The following RALY variants were observed in gnomAD, a reference collection of about 807,000 sequenced individuals.
RALY encodes RALY heterogeneous nuclear ribonucleoprotein, also known as RNA-binding protein Raly.
Under a neutral mutation model 30.7 loss-of-function variants are expected in RALY, and 15 were observed. That is an observed-to-expected ratio of 0.49 (90% CI 0.33 to 0.75). The LOEUF (loss-of-function observed/expected upper bound fraction) is 0.75. Ranked by LOEUF, RALY falls within the 30% of genes least tolerant of loss-of-function variation. The pLI is 0.02. For synonymous variants in RALY, 177 were observed against 170.8 expected (o/e 1.04, Z -0.28); for missense variants, 339 against 414.3 (o/e 0.82, Z 1.58).
chr20:34,045,761 C>T (rs978447925), intron 2 of RALY, among the ~76,000 whole-genome samples: 1 of 152,220 alleles, frequency 6.6e-6, no homozygotes, highest in African/African-American at 2.4e-5. Context: ...AGAGTGATTT[C>T]TGGAAGGTCA....
At chr20:34,054,925 C>T (rs1360760233) in intron 2 of RALY, among the ~76,000 whole-genome samples, 1 of 152,118 alleles carries the variant, frequency 6.6e-6, no homozygotes, top group East Asian at 1.9e-4. Context: ...TTTGAGCTAT[C>T]TGTTAAATGG....
At chr20:34,061,428 G>A (rs1194263581) in intron 2 of RALY, among the ~76,000 whole-genome samples, 1 of 152,192 alleles carries the variant, frequency 6.6e-6, no homozygotes, top group African/African-American at 2.4e-5. Flanking sequence ...TAAACTTCAT[G>A]TTTTCTTTGC....
rs1049988262 is a variant in RALY, at chr20:34,084,750, T to G, written c.*4845T>G. The stretch of plus-strand genomic sequence containing the variant: ...GTTCAGCTGACAGCAGTATCAAATG[T>G]CAGACATGAGAGAGGAAGGCTTCAA... On this transcript the variant is annotated 3_prime_UTR_variant, in exon 10 of 10. Coordinates refer to ENST00000246194, the MANE Select transcript of RALY (RefSeq NM_016732.3). 6.6e-6 allele frequency: 1 copy of G among 152,236 alleles called. No homozygotes were observed. The highest frequency in any genetic ancestry group is 6.5e-5 in the Admixed American group (1 of 15,270). 9.4% of individuals were successfully genotyped at this position (152,236 alleles called of 1,614,324 possible).
At chr20:34,078,660 G>T in intron 9 of RALY, 107 bp downstream of exon 9, 1 of 1,089,656 alleles carries the variant, frequency 9.2e-7, no homozygotes, top group Non-Finnish European at 1.3e-6. Flanking sequence ...ACCTGGCCAA[G>T]TAGCACTGAC....
chr20:34,013,270 G>A (rs1037241205), intron 1 of RALY, among the ~76,000 whole-genome samples: 2 of 151,780 alleles, frequency 1.3e-5, no homozygotes, highest in African/African-American at 2.4e-5. Flanking sequence ...AAACTAGCTC[G>A]CATAATGGGG....
At chr20:34,016,004 C>G (rs1021973800) in intron 1 of RALY, among the ~76,000 whole-genome samples, 4 of 152,138 alleles carry the variant, frequency 2.6e-5, no homozygotes, top group African/African-American at 9.7e-5. Flanking sequence ...CCCAGATACC[C>G]AGAATTGTGT....
intron 2 of RALY, among the ~76,000 whole-genome samples, chr20:34,034,339 C>CAGAG (rs1235710476): frequency 6.6e-6 from 1 of 152,196 alleles, no homozygotes; most frequent in Non-Finnish European, 1.5e-5. Context: ...TGAGAGTGCA[C>CAGAG]AGAGGGTTTT....
intron 1 of RALY, among the ~76,000 whole-genome samples, chr20:34,012,544 T>C (rs528714816): frequency 3.9e-5 from 6 of 152,182 alleles, no homozygotes; most frequent in Non-Finnish European, 8.8e-5. Context: ...CCTTTGTTTT[T>C]TTCCTCACTG....
At chr20:34,055,313 A>G (rs1218231387) in intron 2 of RALY, among the ~76,000 whole-genome samples, 2 of 152,232 alleles carry the variant, frequency 1.3e-5, no homozygotes, top group Admixed American at 6.5e-5. Flanking sequence ...TTTATATTAC[A>G]TTCTTTCCTA....
chr20:34,019,843 C>T (rs546913686), intron 1 of RALY, among the ~76,000 whole-genome samples: 2 of 152,196 alleles, frequency 1.3e-5, no homozygotes, highest in South Asian at 4.1e-4. Flanking sequence ...GGGCGGATCA[C>T]GAGGTCAGGA....
Position 34,077,235 on chromosome 20 carries a change from A to G in RALY, c.866A>G (p.Glu289Gly). Residue 289 changes from glutamate to glycine, a missense_variant, in exon 8 of 10, where the codon GAG becomes GGG. Glu to Gly is a moderately conservative substitution (Grantham distance 98, BLOSUM62 -2). This residue lies in a region of RALY where 268 missense variants were observed against 280.6 expected (regional missense o/e 0.95). Transcript: ENST00000246194. ...GDEEGLLTHS[E>G]EELEHSQDTD... ...GAGGAAGGGCTCCTGACACACAGCG[A>G]GGAAGAGCTGGTGAGGGCCTGGCCA... The G allele has an allele frequency of 6.2e-7, 1 of 1,613,684 alleles. No homozygotes were observed. The highest frequency in any genetic ancestry group is 8.5e-7 in the Non-Finnish European group (1 of 1,179,806).
intron 2 of RALY, among the ~76,000 whole-genome samples, chr20:34,035,067 G>T (rs943508036): frequency 6.9e-6 from 1 of 144,596 alleles, no homozygotes; most frequent in African/African-American, 2.5e-5. Context: ...GCAGAAGAAT[G>T]GTGTGAACCC....
intron 8 of RALY, 33 bp downstream of exon 8, chr20:34,077,278 C>T (rs74408725): frequency 0.054 from 86,956 of 1,611,086 alleles, 2,856 homozygotes; most frequent in Non-Finnish European, 0.067. Flanking sequence ...GACTGGGACT[C>T]GACTGTGCTC....
chr20:34,006,252 C>T (rs1017692736), intron 1 of RALY, among the ~76,000 whole-genome samples: 1 of 152,196 alleles, frequency 6.6e-6, no homozygotes, highest in African/African-American at 2.4e-5. Context: ...TTCATTTATA[C>T]CCCTACCTAC....
chr20:34,065,747 C>T (rs965717259), intron 2 of RALY, among the ~76,000 whole-genome samples: 6 of 152,174 alleles, frequency 3.9e-5, no homozygotes, highest in Non-Finnish European at 7.3e-5. Flanking sequence ...CTGAACCACC[C>T]GGATGTCCCC....
chr20:34,026,522 C>T (rs1445938976), intron 1 of RALY, among the ~76,000 whole-genome samples: 1 of 151,714 alleles, frequency 6.6e-6, no homozygotes, highest in African/African-American at 2.4e-5. Context: ...CCTGCCTCAG[C>T]CTCCTGAGTA....
chr20:34,007,775 G>A (rs7272696), intron 1 of RALY, among the ~76,000 whole-genome samples: 13,200 of 135,542 alleles, frequency 0.097, 1,998 homozygotes, highest in African/African-American at 0.34. Flanking sequence ...AGCCAAGATC[G>A]CACCATTGCA....
intron 1 of RALY, among the ~76,000 whole-genome samples, chr20:34,017,042 G>A (rs2031633652): frequency 6.6e-6 from 1 of 152,282 alleles, no homozygotes; most frequent in African/African-American, 2.4e-5. Flanking sequence ...CTCCCCTGGG[G>A]ACCAGCAGGC....
At chr20:34,065,958 TAC>T (rs2123232041) in intron 2 of RALY, among the ~76,000 whole-genome samples, 2 of 152,276 alleles carry the variant, frequency 1.3e-5, no homozygotes, top group South Asian at 4.1e-4. Context: ...GGGGAGGATT[TAC>T]AGAGTTCTCT....
Sources: gnomAD v4.1 joint callset for allele counts (sites outside exome capture counted in the v4.1 genomes callset) on GRCh38, gnomAD v4.1.1 for gene constraint, gnomAD v4.1.1 regional missense constraint, MANE v1.5 for transcripts, NCBI Gene and HGNC (gene_info 2026-07-23, HGNC 2026-07-21) for gene names.